Variants in PTPRD observed in about 807,000 individuals in gnomAD.
The protein encoded by PTPRD is receptor-type tyrosine-protein phosphatase delta.
PTPRD carries 34 observed loss-of-function variants against 214.5 expected under a neutral mutation model. The observed-to-expected ratio is 0.16, with a 90% CI of 0.12 to 0.21. The LOEUF (loss-of-function observed/expected upper bound fraction) is 0.21, where lower values mean the gene tolerates loss of function less well. PTPRD is among the 10% of genes least tolerant of loss of function. PTPRD has a pLI of 1.00. For synonymous variants in PTPRD, 1,128 were observed against 845.7 expected (o/e 1.33, Z -5.79); for missense variants, 2,545 against 2,398.7 (o/e 1.06, Z -1.27).
At position 10,449,484 on chromosome 9, in the gene PTPRD, C is replaced by G. The variant is rs2098823391; in HGVS notation, c.-599-108467G>C. ...ACCCCGTCTGGGAAGTGAGGAGCCT[C>G]TCTGCCTGGCTGCCCATCGTCTGGG... On this transcript the variant is annotated intron_variant, in intron 2 of 45. Transcript: ENST00000381196. 1.3e-5 allele frequency among the ~76,000 whole-genome samples: 2 copies of G among 148,956 alleles called. 1 individual carries two copies. The highest frequency in any genetic ancestry group is 4.1e-4 in the South Asian group (2 of 4,824).
chr9:10,282,622 G>T (rs562423989), intron 3 of PTPRD, among the ~76,000 whole-genome samples: 2 of 152,190 alleles, frequency 1.3e-5, no homozygotes, highest in African/African-American at 4.8e-5. Flanking sequence ...CTCAACCCTG[G>T]CTGTACATTA....
chr9:9,713,966 T>C (rs1241823965), intron 7 of PTPRD, among the ~76,000 whole-genome samples: 1 of 151,948 alleles, frequency 6.6e-6, no homozygotes, highest in Non-Finnish European at 1.5e-5. Context: ...TCCTTACTTG[T>C]AGACACCAGC....
chr9:9,726,458 C>A (rs1759226408), intron 7 of PTPRD, among the ~76,000 whole-genome samples: 1 of 98,680 alleles, frequency 1.0e-5, no homozygotes, highest in Non-Finnish European at 2.0e-5. Context: ...CCCTTAAAGC[C>A]TGCCTAACAG....
At chr9:10,455,535 C>A (rs2098906119) in intron 2 of PTPRD, among the ~76,000 whole-genome samples, 1 of 151,642 alleles carries the variant, frequency 6.6e-6, no homozygotes, top group Non-Finnish European at 1.5e-5. Flanking sequence ...ATTTTTTAAA[C>A]CTGCCATCAC....
chr9:9,535,570 A>T (rs538738080), intron 8 of PTPRD, among the ~76,000 whole-genome samples: 5 of 152,178 alleles, frequency 3.3e-5, no homozygotes, highest in Admixed American at 6.5e-5. Context: ...AAACAGATTT[A>T]TTTTTTTAAA....
intron 8 of PTPRD, among the ~76,000 whole-genome samples, chr9:9,445,290 A>G (rs2090001001): frequency 6.6e-6 from 1 of 152,180 alleles, no homozygotes; most frequent in South Asian, 2.1e-4. Context: ...GCAAATGGAC[A>G]ATACAAATTA....
At chr9:8,831,595 A>G (rs146505139) in intron 11 of PTPRD, among the ~76,000 whole-genome samples, 56 of 152,318 alleles carry the variant, frequency 3.7e-4, no homozygotes, top group African/African-American at 1.3e-3. Flanking sequence ...AGCTTGTTAA[A>G]CTTTCCTACA....
At chr9:8,960,666 GA>G (rs2099154144) in intron 11 of PTPRD, among the ~76,000 whole-genome samples, 1 of 152,126 alleles carries the variant, frequency 6.6e-6, no homozygotes, top group South Asian at 2.1e-4. Flanking sequence ...CAGTCTGTGG[GA>G]GAAATAAAGG....
In PTPRD at chr9:8,340,369, G is replaced by A. The variant is rs771603044; in HGVS notation, c.5227C>T (p.Leu1743Phe). Residue 1743 changes from leucine (L) to phenylalanine (F), a missense_variant, in exon 42 of 46, where the codon CTC (leucine) becomes TTC (phenylalanine). By Grantham distance (22) the Leu-to-Phe change is conservative. Coordinates refer to ENST00000381196, the MANE Select transcript of PTPRD (RefSeq NM_002839.4). ...CTGCCCATTTCACGCAGCTTGGTGA[G>A]CATCACAACTATGGTGGAATTGTGT... The part of the protein sequence containing the change: ...WEHNSTIVVM[L>F]TKLREMGREK... 3.7e-6 allele frequency: 6 copies of A among 1,609,848 alleles called. No individual in the cohort carries two copies. Among genetic ancestry groups the A allele is most frequent in the Non-Finnish European group, 5.1e-6 (6 of 1,177,078 alleles).
At chr9:8,449,324 T>C (rs2095850224) in intron 34 of PTPRD, among the ~76,000 whole-genome samples, 1 of 143,388 alleles carries the variant, frequency 7.0e-6, no homozygotes, top group South Asian at 2.5e-4. Context: ...ATAGAACAAA[T>C]CTATGCTTTC....
intron 11 of PTPRD, among the ~76,000 whole-genome samples, chr9:8,798,373 A>C (rs1305339207): frequency 6.6e-6 from 1 of 152,206 alleles, no homozygotes; most frequent in Non-Finnish European, 1.5e-5. Flanking sequence ...AAGTGCCAAG[A>C]ATGCAGATAA....
intron 11 of PTPRD, among the ~76,000 whole-genome samples, chr9:8,804,173 G>A (rs903882214): frequency 3.3e-5 from 5 of 151,958 alleles, no homozygotes; most frequent in African/African-American, 7.3e-5. Context: ...GTCTGGTCTC[G>A]AACTCCTGAC....
intron 6 of PTPRD, among the ~76,000 whole-genome samples, chr9:9,759,667 C>A (rs1164577958): frequency 6.0e-5 from 9 of 150,004 alleles, no homozygotes; most frequent in African/African-American, 2.2e-4. Flanking sequence ...AAGCAATTCT[C>A]TTGCCTCAGC....
intron 8 of PTPRD, among the ~76,000 whole-genome samples, chr9:9,444,978 G>A (rs531606018): frequency 1.2e-4 from 18 of 151,976 alleles, no homozygotes; most frequent in Non-Finnish European, 2.1e-4. Flanking sequence ...TCTATTATGT[G>A]TATCTTCAAA....
chr9:9,072,982 T>C (rs2099745966), intron 10 of PTPRD, among the ~76,000 whole-genome samples: 1 of 152,152 alleles, frequency 6.6e-6, no homozygotes, highest in Non-Finnish European at 1.5e-5. Flanking sequence ...GAGAGAGATT[T>C]TCGATTTGAG....
intron 26 of PTPRD, among the ~76,000 whole-genome samples, chr9:8,493,278 G>C (rs1165577702): frequency 6.6e-6 from 1 of 152,168 alleles, no homozygotes; most frequent in Non-Finnish European, 1.5e-5. Context: ...AGCTTGGACA[G>C]ACCAAGTATG....
chr9:10,124,569 C>G (rs1388202146), intron 3 of PTPRD, among the ~76,000 whole-genome samples: 2 of 152,264 alleles, frequency 1.3e-5, no homozygotes, highest in East Asian at 3.9e-4. Context: ...CTTCCTTAGA[C>G]CTCTTTCTTA....
At chr9:9,589,967 G>T (rs582888) in intron 7 of PTPRD, among the ~76,000 whole-genome samples, 37,322 of 151,698 alleles carry the variant, frequency 0.25, 5,831 homozygotes, top group Non-Finnish European at 0.34. Context: ...TTCATACATT[G>T]TGATTCTCAT....
chr9:9,634,693 T>C (rs1319152229), intron 7 of PTPRD, among the ~76,000 whole-genome samples: 1 of 152,204 alleles, frequency 6.6e-6, no homozygotes, highest in East Asian at 1.9e-4. Flanking sequence ...CAGTCAATTC[T>C]TAAAGCTCAA....
Sources: allele counts gnomAD v4.1 joint callset (sites outside exome capture counted in the v4.1 genomes callset), GRCh38; gene constraint gnomAD v4.1.1; transcripts MANE v1.5; gene names NCBI Gene and HGNC (gene_info 2026-07-23, HGNC 2026-07-21).